Variants in DLGAP1 observed in about 807,000 individuals in gnomAD.
DLGAP1 encodes the protein DLG associated protein 1.
Under a neutral mutation model 90.8 loss-of-function variants are expected in DLGAP1, and 11 were observed. That is an observed-to-expected ratio of 0.12 (90% CI 0.08 to 0.20). The LOEUF (loss-of-function observed/expected upper bound fraction) is 0.20, where lower values mean the gene tolerates loss of function less well. DLGAP1 is among the 10% of genes least tolerant of loss of function. The probability of loss-of-function intolerance (pLI) is 1.00; values close to 1 mark genes in which losing one functional copy is unlikely to be tolerated. For synonymous variants in DLGAP1, 558 were observed against 540.7 expected, an observed-to-expected ratio of 1.03 and a Z score of -0.44; for missense variants, 1,050 against 1,333.8, an observed-to-expected ratio of 0.79 and a Z score of 3.31.
chr18:4,051,735 T>TC (rs1484585821), intron 2 of DLGAP1, among the ~76,000 whole-genome samples: 2 of 94,652 alleles, frequency 2.1e-5, no homozygotes, highest in African/African-American at 7.0e-5. Context: ...AACTCAAAAG[T>TC]CCAAGTCCAA....
At chr18:3,677,588 T>C (rs2060353206) in intron 7 of DLGAP1, among the ~76,000 whole-genome samples, 1 of 152,244 alleles carries the variant, frequency 6.6e-6, no homozygotes, top group Admixed American at 6.5e-5. Context: ...TCCATGTTTC[T>C]AGCGTGCCTA....
chr18:3,674,293 TAA>T (rs763030375), intron 7 of DLGAP1, among the ~76,000 whole-genome samples: 3 of 76,500 alleles, frequency 3.9e-5, no homozygotes, highest in African/African-American at 7.2e-5. Flanking sequence ...TCTATAATAT[TAA>T]AATATATATA....
At chr18:4,204,564 C>T (rs1521432) in intron 1 of DLGAP1, among the ~76,000 whole-genome samples, 4,055 of 151,556 alleles carry the variant, frequency 0.027, 195 homozygotes, top group African/African-American at 0.09. Flanking sequence ...TTAAAAACAC[C>T]CTCCCTCCTC....
At chr18:4,220,699 A>G (rs1042108956) in intron 1 of DLGAP1, among the ~76,000 whole-genome samples, 1 of 152,136 alleles carries the variant, frequency 6.6e-6, no homozygotes, top group Non-Finnish European at 1.5e-5. Flanking sequence ...CATCATATAT[A>G]TGGAAATTCC....
intron 1 of DLGAP1, among the ~76,000 whole-genome samples, chr18:4,443,764 A>G (rs280981): frequency 0.27 from 40,804 of 152,124 alleles, 6,191 homozygotes; most frequent in Non-Finnish European, 0.33. Context: ...CAATATGGCT[A>G]CCCAAAAGGG....
Position 3,695,101 on chromosome 18 carries a change from G to A in DLGAP1, c.1591+34034C>T, listed in dbSNP as rs112013941. ...ACTACAGGCACCCACCATTATGCCC[G>A]GCTAATTTTTTTCTGTATTTTTTTA... On this transcript the variant is annotated intron_variant, in intron 7 of 12. Transcript: ENST00000315677. Among the ~76,000 whole-genome samples the A allele has an allele frequency of 7.1e-3, 1,076 of 151,794 alleles. 10 individuals are homozygous for A. Among genetic ancestry groups the A allele is most frequent in the African/African-American group, 0.025 (1,027 of 41,406 alleles).
chr18:4,255,391 C>T (rs994007478), intron 1 of DLGAP1, among the ~76,000 whole-genome samples: 11 of 151,878 alleles, frequency 7.2e-5, no homozygotes, highest in East Asian at 5.8e-4. Context: ...CCTTTTGTTT[C>T]GACTTTCTTT....
chr18:4,369,002 C>T (rs34524852), intron 1 of DLGAP1, among the ~76,000 whole-genome samples: 14,807 of 151,998 alleles, frequency 0.097, 749 homozygotes, highest in Middle Eastern at 0.13. Flanking sequence ...CAAGTTTAAC[C>T]GACACAGCTA....
At chr18:4,310,576 A>T (rs1215897989) in intron 1 of DLGAP1, among the ~76,000 whole-genome samples, 1 of 152,130 alleles carries the variant, frequency 6.6e-6, no homozygotes, top group Non-Finnish European at 1.5e-5. Context: ...CATCTTTAGC[A>T]CTGTGCTTTA....
intron 7 of DLGAP1, among the ~76,000 whole-genome samples, chr18:3,633,372 C>T (rs1221111916): frequency 6.8e-6 from 1 of 147,596 alleles, no homozygotes; most frequent in African/African-American, 2.5e-5. Context: ...CACTGCACTC[C>T]AGCCTGGTGA....
intron 3 of DLGAP1, among the ~76,000 whole-genome samples, chr18:3,910,672 A>T (rs567909650): frequency 6.6e-6 from 1 of 152,304 alleles, no homozygotes; most frequent in African/African-American, 2.4e-5. Flanking sequence ...GCCATCTGCT[A>T]GTGCCTGCCT....
chr18:4,082,046 A>G (rs954074581), intron 2 of DLGAP1, among the ~76,000 whole-genome samples: 3 of 151,926 alleles, frequency 2.0e-5, no homozygotes, highest in Non-Finnish European at 2.9e-5. Context: ...TGTCTCTATT[A>G]AAAATACAAA....
intron 3 of DLGAP1, among the ~76,000 whole-genome samples, chr18:3,921,889 C>T (rs913831503): frequency 5.3e-5 from 8 of 152,070 alleles, no homozygotes; most frequent in Admixed American, 3.9e-4. Flanking sequence ...CAGCAGGAGA[C>T]GACCAGCACA....
intron 7 of DLGAP1, among the ~76,000 whole-genome samples, chr18:3,629,481 C>G (rs994891089): frequency 6.6e-6 from 1 of 152,014 alleles, no homozygotes. Flanking sequence ...ACCATCCTGG[C>G]TAACACGCTG....
intron 7 of DLGAP1, among the ~76,000 whole-genome samples, chr18:3,645,457 C>T (rs1056775227): frequency 5.9e-5 from 9 of 152,104 alleles, no homozygotes; most frequent in African/African-American, 1.7e-4. Context: ...CAACTTCATG[C>T]CTGGATGTTT....
chr18:3,759,082 C>T (rs970786290), intron 5 of DLGAP1, among the ~76,000 whole-genome samples: 3 of 144,908 alleles, frequency 2.1e-5, no homozygotes, highest in South Asian at 2.3e-4. Flanking sequence ...AGGTTTGACA[C>T]GGGGCATAAA....
In DLGAP1 at chr18:3,565,231, C is replaced by T. The variant is rs2054360678; in HGVS notation, c.2057+2259G>A. Among the ~76,000 whole-genome samples, 1 of 152,240 alleles carries T rather than the reference C, an allele frequency of 6.6e-6. No homozygotes were observed. The highest frequency in any genetic ancestry group is 1.9e-4 in the East Asian group (1 of 5,140). On this transcript the variant is annotated intron_variant, in intron 9 of 12. Coordinates refer to ENST00000315677, the MANE Select transcript of DLGAP1 (RefSeq NM_004746.4). The surrounding 1 kb of genome is among the most constrained non-coding windows in gnomAD (Gnocchi z 4.0). ...TGGCGTCATCTTGGCTCACTGCAAT[C>T]TCTGCCTCCTGGGTTAAAGGGATTG... is the stretch of plus-strand genomic sequence containing the variant.
intron 2 of DLGAP1, among the ~76,000 whole-genome samples, chr18:4,057,293 C>A (rs1478912041): frequency 6.6e-6 from 1 of 152,108 alleles, no homozygotes; most frequent in East Asian, 1.9e-4. Flanking sequence ...TGAAGTACAC[C>A]CAAGCATGCA....
intron 1 of DLGAP1, among the ~76,000 whole-genome samples, chr18:4,367,700 T>C (rs1432210799): frequency 6.6e-6 from 1 of 151,946 alleles, no homozygotes; most frequent in Non-Finnish European, 1.5e-5. Context: ...ATACAAAACA[T>C]TAGCTGGGCG....
Sources: allele counts gnomAD v4.1 joint callset (sites outside exome capture counted in the v4.1 genomes callset), GRCh38; gene constraint gnomAD v4.1.1; non-coding constraint Gnocchi (gnomAD v3.1); transcripts MANE v1.5; gene names NCBI Gene and HGNC (gene_info 2026-07-23, HGNC 2026-07-21).